Variants in KIAA1217 observed in about 807,000 individuals in gnomAD.
The protein encoded by KIAA1217 is sickle tail protein homolog.
A neutral mutation model predicts 163.9 loss-of-function variants in KIAA1217; 88 were observed. The observed-to-expected ratio is 0.54, with a 90% CI of 0.45 to 0.64. The LOEUF is 0.64. Ranked by LOEUF, KIAA1217 falls within the 30% of genes least tolerant of loss-of-function variation. The pLI, the probability that KIAA1217 is intolerant of heterozygous loss-of-function variation, is 0.00. For synonymous variants in KIAA1217, 903 were observed against 923.1 expected (o/e 0.98, Z 0.39); for missense variants, 2,372 against 2,475.0 (o/e 0.96, Z 0.88).
intron 2 of KIAA1217, among the ~76,000 whole-genome samples, chr10:24,053,315 A>T (rs1849651616): frequency 6.6e-6 from 1 of 152,200 alleles, no homozygotes; most frequent in South Asian, 2.1e-4. Context: ...ATTTATAAAT[A>T]TGATACACAA....
intron 2 of KIAA1217, among the ~76,000 whole-genome samples, chr10:24,177,949 A>G (rs982526131): frequency 5.3e-5 from 8 of 152,230 alleles, no homozygotes; most frequent in African/African-American, 1.7e-4. Context: ...CCTTTATCTA[A>G]TGTGTGTACA....
intron 1 of KIAA1217, among the ~76,000 whole-genome samples, chr10:23,870,610 A>G (rs998385802): frequency 6.6e-6 from 1 of 152,132 alleles, no homozygotes; most frequent in African/African-American, 2.4e-5. Context: ...GCAGGGAGGC[A>G]AGTTTTACGT....
chr10:24,171,171 G>GT (rs1368378163), intron 2 of KIAA1217, among the ~76,000 whole-genome samples: 1 of 152,220 alleles, frequency 6.6e-6, no homozygotes, highest in East Asian at 1.9e-4. Flanking sequence ...CTCCCAGAAT[G>GT]TGAGTGCTCC....
intron 1 of KIAA1217, among the ~76,000 whole-genome samples, chr10:23,934,619 A>G (rs28375702): frequency 3.1e-5 from 2 of 64,670 alleles, no homozygotes; most frequent in South Asian, 3.7e-4. Context: ...ATATATATAT[A>G]TATATATTTT....
intron 2 of KIAA1217, among the ~76,000 whole-genome samples, chr10:24,128,861 AAG>A (rs2063555316): frequency 1.3e-5 from 2 of 152,316 alleles, no homozygotes; most frequent in Admixed American, 6.5e-5. Context: ...TTCTTAGCTA[AAG>A]TACATTGCAT....
At chr10:23,924,134 G>A (rs1426961681) in intron 1 of KIAA1217, among the ~76,000 whole-genome samples, 2 of 148,280 alleles carry the variant, frequency 1.3e-5, no homozygotes, top group African/African-American at 5.0e-5. Context: ...TGGTGATACT[G>A]TATTTTTCCC....
chr10:24,312,371 T>C (rs111419256), intron 2 of KIAA1217, among the ~76,000 whole-genome samples: 12,774 of 150,912 alleles, frequency 0.085, 595 homozygotes, highest in African/African-American at 0.13. Flanking sequence ...ATCCCAGCAC[T>C]TTGGGAGGCC....
At chr10:23,934,579 A>ATATATATATGTATATATATATATATG (rs1843416983) in intron 1 of KIAA1217, among the ~76,000 whole-genome samples, 1 of 59,794 alleles carries the variant, frequency 1.7e-5, no homozygotes, top group Non-Finnish European at 2.8e-5. Context: ...ATATATATAT[A>ATATATATATGTATATATATATATATG]TATATATATA....
intron 2 of KIAA1217, among the ~76,000 whole-genome samples, chr10:24,140,234 C>T (rs1047694232): frequency 6.6e-6 from 1 of 151,902 alleles, no homozygotes. Flanking sequence ...GTGGCAGGCG[C>T]CTGTAGTCCC....
At chr10:23,878,871 A>T (rs949023223) in intron 1 of KIAA1217, among the ~76,000 whole-genome samples, 2 of 151,950 alleles carry the variant, frequency 1.3e-5, no homozygotes, top group African/African-American at 4.8e-5. Flanking sequence ...GAGAGAAAAA[A>T]GATCGGGTTG....
rs1036995375 is a variant in KIAA1217, at chr10:24,407,288, G to A, written c.554-25707G>A. ...TGTGTGTGTGTGTGTGTGTGTGTGC[G>A]TGCGTGTGCGTGCGCGTGCGCATGT... On this transcript the variant is annotated intron_variant, in intron 3 of 20. Coordinates refer to ENST00000376454, the MANE Select transcript of KIAA1217 (RefSeq NM_019590.5). Among the ~76,000 whole-genome samples, 7 of 151,182 alleles carry A rather than the reference G, an allele frequency of 4.6e-5. No individual in the cohort carries two copies. The South Asian group carries it at 6.3e-4, about 14-fold the overall frequency.
chr10:24,321,939 CATTTT>C (rs752613228), intron 2 of KIAA1217, among the ~76,000 whole-genome samples: 108 of 152,034 alleles, frequency 7.1e-4, no homozygotes, highest in Middle Eastern at 3.4e-3. Context: ...ATTTTACTGA[CATTTT>C]ATTTTATTTT....
chr10:23,745,034 T>C (rs1839320194), intron 1 of KIAA1217, among the ~76,000 whole-genome samples: 1 of 152,184 alleles, frequency 6.6e-6, no homozygotes, highest in Admixed American at 6.5e-5. Context: ...ACTTCCAGAA[T>C]AATGTTTGAC....
At chr10:23,857,627 T>A (rs1405925968) in intron 1 of KIAA1217, among the ~76,000 whole-genome samples, 1 of 152,202 alleles carries the variant, frequency 6.6e-6, no homozygotes, top group Non-Finnish European at 1.5e-5. Context: ...GGAATTTGCA[T>A]TTTATAATAA....
chr10:23,856,453 G>C (rs1313522038), intron 1 of KIAA1217, among the ~76,000 whole-genome samples: 1 of 152,216 alleles, frequency 6.6e-6, no homozygotes, highest in Admixed American at 6.5e-5. Flanking sequence ...GGCTGCTCGG[G>C]GGTCAGGGGT....
At chr10:24,213,700 G>C (rs11013973) in intron 1 of KIAA1217, among the ~76,000 whole-genome samples, 88,199 of 151,962 alleles carry the variant, frequency 0.58, 25,877 homozygotes, top group African/African-American at 0.67. Flanking sequence ...ATGAATGAAT[G>C]AATCAATCAG....
chr10:23,721,073 C>A (rs1284607330), intron 1 of KIAA1217, among the ~76,000 whole-genome samples: 1 of 152,168 alleles, frequency 6.6e-6, no homozygotes, highest in Non-Finnish European at 1.5e-5. Context: ...AGTCCTGTTT[C>A]TTAAAGCCTA....
chr10:24,156,915 G>A (rs1485993892), intron 2 of KIAA1217, among the ~76,000 whole-genome samples: 2 of 152,154 alleles, frequency 1.3e-5, no homozygotes, highest in African/African-American at 2.4e-5. Context: ...AGGAAACTGT[G>A]AGTAAAACAA....
At chr10:23,856,992 G>A (rs1319165696) in intron 1 of KIAA1217, among the ~76,000 whole-genome samples, 1 of 152,182 alleles carries the variant, frequency 6.6e-6, no homozygotes, top group African/African-American at 2.4e-5. Flanking sequence ...CCCTGCTTTG[G>A]CTCGCACATG....
Sources: allele counts gnomAD v4.1 joint callset (sites outside exome capture counted in the v4.1 genomes callset), GRCh38; gene constraint gnomAD v4.1.1; transcripts MANE v1.5; gene names NCBI Gene and HGNC (gene_info 2026-07-23, HGNC 2026-07-21).